Variants in MEIOC observed in about 807,000 individuals in gnomAD.
The protein encoded by MEIOC is meiosis specific with coiled-coil domain.
In MEIOC, 9 loss-of-function variants were observed where a neutral mutation model predicts 85.3. The observed-to-expected ratio is 0.11, with a 90% confidence interval of 0.06 to 0.18. The LOEUF is 0.18. Ranked by LOEUF, MEIOC falls within the 10% of genes least tolerant of loss-of-function variation. The pLI, the probability that MEIOC is intolerant of heterozygous loss-of-function variation, is 1.00. For synonymous variants in MEIOC, 365 were observed against 393.7 expected, an observed-to-expected ratio of 0.93 and a Z score of 0.86; for missense variants, 898 against 1,129.4, an observed-to-expected ratio of 0.80 and a Z score of 2.94.
chr17:44,665,517 CAGG>C, intron 4 of MEIOC, 29 bp downstream of exon 4: 1 of 1,218,140 alleles, frequency 8.2e-7, no homozygotes, highest in Non-Finnish European at 1.1e-6. Flanking sequence ...TAGTATATAA[CAGG>C]CTTTTAAACT....
chr17:44,668,831 T>C (rs1419056029), intron 5 of MEIOC, among the ~76,000 whole-genome samples: 2 of 152,234 alleles, frequency 1.3e-5, no homozygotes, highest in African/African-American at 4.8e-5. Context: ...AGTAGATTTT[T>C]TACCCCCTTA....
chr17:44,661,404 TCA>T (rs988642350), intron 2 of MEIOC, among the ~76,000 whole-genome samples: 1 of 151,674 alleles, frequency 6.6e-6, no homozygotes, highest in African/African-American at 2.4e-5. Flanking sequence ...ACTTGCAGCC[TCA>T]GTTTCCTTGT....
intron 5 of MEIOC, 65 bp from the exon 6 acceptor site, chr17:44,669,318 C>A: frequency 7.6e-7 from 1 of 1,318,704 alleles, no homozygotes; most frequent in South Asian, 1.4e-5. Context: ...CTTACGAAAA[C>A]TATTATTCAT....
At chr17:44,662,571 T>C (rs753058581) in intron 3 of MEIOC, 100 bp downstream of exon 3, 58 of 842,022 alleles carry the variant, frequency 6.9e-5, no homozygotes, top group Non-Finnish European at 9.9e-5. Flanking sequence ...ATCATTTTAC[T>C]ATTGTGGCAT....
chr17:44,664,099 G>A (rs1040115601), intron 3 of MEIOC, among the ~76,000 whole-genome samples: 2 of 152,122 alleles, frequency 1.3e-5, no homozygotes, highest in Non-Finnish European at 2.9e-5. Context: ...GGCCGGGATT[G>A]GTGGCTCACG....
At chr17:44,659,193 A>G (rs1347464024) in intron 2 of MEIOC, among the ~76,000 whole-genome samples, 2 of 152,162 alleles carry the variant, frequency 1.3e-5, no homozygotes, top group South Asian at 2.1e-4. Context: ...CTAGAAATAA[A>G]TTATTTTATT....
downstream of MEIOC, chr17:44,676,853 A>G (rs192669918): frequency 1.7e-4 from 110 of 631,866 alleles, no homozygotes; most frequent in African/African-American, 2.0e-3. Context: ...CCTTTGCAAT[A>G]CTGAACATTT....
rs1458350187 is a variant in MEIOC at position 44,670,374 on chromosome 17, G to C, written c.2457+857G>C. 2 of 151,356 alleles carry C rather than the reference G, an allele frequency of 1.3e-5. 1 individual carries two copies. Among genetic ancestry groups the C allele is most frequent in the Non-Finnish European group, 2.9e-5 (2 of 67,850 alleles). The allele number at this position is 151,356 out of a possible 1,614,324, so 9.4% of individuals were successfully genotyped here. A position where few individuals can be genotyped will look rare whatever the true frequency, so the allele number is the denominator to read the frequency against. Reference sequence around the variant, plus strand: ...ATGGTTCCTCTTGAAGCTCAAATTGGCAGTGGAGCTAATCCTCAACTGAAA... The same window carrying C: ...ATGGTTCCTCTTGAAGCTCAAATTGCCAGTGGAGCTAATCCTCAACTGAAA... On this transcript the variant is annotated intron_variant, in intron 6 of 7. Transcript: ENST00000409122.
chr17:44,666,107 C>T (rs920669413), intron 4 of MEIOC, among the ~76,000 whole-genome samples: 1 of 151,914 alleles, frequency 6.6e-6, no homozygotes, highest in Non-Finnish European at 1.5e-5. Context: ...TCATCTAAGA[C>T]CATGAAGTCA....
intron 6 of MEIOC, among the ~76,000 whole-genome samples, chr17:44,671,777 G>A (rs949393007): frequency 6.6e-6 from 1 of 151,824 alleles, no homozygotes; most frequent in African/African-American, 2.4e-5. Context: ...ATGGTGGCAG[G>A]CGCCTGTAGT....
At chr17:44,668,883 TGTTGG>T (rs1971954492) in intron 5 of MEIOC, among the ~76,000 whole-genome samples, 1 of 152,226 alleles carries the variant, frequency 6.6e-6, no homozygotes, top group Non-Finnish European at 1.5e-5. Flanking sequence ...AGTGTTAACC[TGTTGG>T]TATACTCAGG....
rs889194976 is a variant in MEIOC at position 44,667,061 on chromosome 17, G to A, written c.1150G>A (p.Glu384Lys). The change falls in exon 5 of 8, where the codon GAG becomes AAG. Residue 384 changes from glutamate (E) to lysine (K), a missense_variant. Glu to Lys is a moderately conservative substitution (Grantham distance 56, BLOSUM62 1). Transcript: ENST00000409122. ...VKPANQKKME[E>K]TIPDQQNFTF... The stretch of plus-strand genomic sequence containing the variant: ...GCCAGCGAATCAGAAAAAAATGGAG[G>A]AGACAATCCCTGATCAGCAGAATTT... 3 of 1,613,698 alleles carry A rather than the reference G, an allele frequency of 1.9e-6. No homozygotes were observed.
At position 44,675,263 on chromosome 17, in the gene MEIOC, A is replaced by AT; in HGVS notation, c.*1074dup. ...GTTGTGTTCATTAGTTTGCTTCTGT[A>AT]TTTTTTTAAAACTATTGAAAGCTTA... On this transcript the variant is annotated 3_prime_UTR_variant, in exon 8 of 8. Transcript: ENST00000409122. 1 of 983,846 alleles carries AT rather than the reference A, an allele frequency of 1.0e-6. No individual in the cohort carries two copies. The highest frequency in any genetic ancestry group is 1.2e-6 in the Non-Finnish European group (1 of 828,570). 60.9% of individuals were successfully genotyped at this position (983,846 alleles called of 1,614,324 possible). A position where few individuals can be genotyped will look rare whatever the true frequency, so the allele number is the denominator to read the frequency against.
At chr17:44,672,951 G>C (rs1972032259) in intron 6 of MEIOC, 1 of 155,774 alleles carries the variant, frequency 6.4e-6, no homozygotes, top group African/African-American at 2.4e-5. Flanking sequence ...TTAAAGACTT[G>C]TTGAGGTCAG....
At chr17:44,669,014 C>T (rs1971957051) in intron 5 of MEIOC, among the ~76,000 whole-genome samples, 1 of 151,992 alleles carries the variant, frequency 6.6e-6, no homozygotes, top group South Asian at 2.1e-4. Context: ...CCAGCCTGGC[C>T]AACATGGTGA....
rs1412686965 is a variant in MEIOC, at chr17:44,662,810, G to T, written c.359+339G>T. On this transcript the variant is annotated intron_variant, in intron 3 of 7. Coordinates refer to ENST00000409122, the MANE Select transcript of MEIOC (RefSeq NM_001145080.3). ...GGGACTACAGGTATGCACCACGGTG[G>T]TCAGCTAACTTTAAAAAAATTTGTT... is the stretch of plus-strand genomic sequence containing the variant. 2.6e-5 allele frequency among the ~76,000 whole-genome samples: 4 copies of T among 152,202 alleles called. No homozygotes were observed. In the East Asian group the frequency reaches 7.7e-4, roughly 29 times the overall value.
chr17:44,660,884 G>A (rs147498297), intron 2 of MEIOC, among the ~76,000 whole-genome samples: 309 of 151,648 alleles, frequency 2.0e-3, no homozygotes, highest in African/African-American at 7.3e-3. Context: ...CTTGAGGCCA[G>A]GAGTTTAAGA....
intron 4 of MEIOC, among the ~76,000 whole-genome samples, 196 bp downstream of exon 4, chr17:44,665,684 A>G (rs1971893790): frequency 6.6e-6 from 1 of 152,170 alleles, no homozygotes; most frequent in African/African-American, 2.4e-5. Context: ...AAGGTTTTGT[A>G]TAAGGACTTT....
At chr17:44,673,324 T>C (rs1972036061) in intron 6 of MEIOC, 42 bp from the exon 7 acceptor site, 1 of 1,428,506 alleles carries the variant, frequency 7.0e-7, no homozygotes, top group Non-Finnish European at 9.4e-7. Flanking sequence ...CTTAAGTTAA[T>C]GGCAGGACAT....
Sources: gnomAD v4.1 joint callset for allele counts (sites outside exome capture counted in the v4.1 genomes callset) on GRCh38, gnomAD v4.1.1 for gene constraint, MANE v1.5 for transcripts, NCBI Gene and HGNC (gene_info 2026-07-23, HGNC 2026-07-21) for gene names.